EIF4G3: variants seen among roughly 807,000 people sequenced by gnomAD.
EIF4G3 encodes eukaryotic translation initiation factor 4 gamma 3, also known as eIF-4-gamma 3.
In EIF4G3, 34 loss-of-function variants were observed where a neutral mutation model predicts 186.4. That is an observed-to-expected ratio of 0.18 (90% CI 0.14 to 0.24). EIF4G3 has a LOEUF of 0.24. EIF4G3 is among the 10% of genes least tolerant of loss of function. The pLI is 1.00. For missense variants in EIF4G3, 1,536 were observed against 1,948.5 expected, an observed-to-expected ratio of 0.79 and a Z score of 3.99; for synonymous variants, 673 against 679.5, an observed-to-expected ratio of 0.99 and a Z score of 0.15.
chr1:21,088,267 A>G (rs182574046), intron 3 of EIF4G3, among the ~76,000 whole-genome samples: 8 of 151,812 alleles, frequency 5.3e-5, no homozygotes, highest in Admixed American at 5.3e-4. Context: ...CTAAAAGAAC[A>G]AAATTAGCAG....
intron 2 of EIF4G3, among the ~76,000 whole-genome samples, chr1:21,100,701 A>G (rs549095254): frequency 6.6e-6 from 1 of 152,266 alleles, no homozygotes; most frequent in East Asian, 1.9e-4. Context: ...GCTGCTCTCC[A>G]GGCAGATCCC....
chr1:20,941,808 G>C lies in EIF4G3; in HGVS notation c.1346C>G (p.Pro449Arg). Residue 449 changes from proline to arginine, a missense_variant, in exon 14 of 37, where the codon CCC (proline) becomes CGC (arginine). Physicochemically the swap from Pro to Arg is moderately radical, Grantham distance 103. This residue lies in a region of EIF4G3 where 560 missense variants were observed against 547.8 expected (regional missense o/e 1.02). Coordinates refer to ENST00000602326, the MANE Select transcript of EIF4G3 (RefSeq NM_001391906.1). ...LTLELEILEN[P>R]PEEMKLECIP... Reference sequence around the variant, plus strand: ...ACACTCCAGTTTCATTTCTTCTGGGGGATTTTCGAGAATCTCCAATTCAAG... The same window carrying C: ...ACACTCCAGTTTCATTTCTTCTGGGCGATTTTCGAGAATCTCCAATTCAAG... The C allele has an allele frequency of 6.2e-7, 1 of 1,613,660 alleles. No homozygotes were observed. Among genetic ancestry groups the C allele is most frequent in the Non-Finnish European group, 8.5e-7 (1 of 1,179,828 alleles).
Position 21,041,036 on chromosome 1 carries a change from C to T in EIF4G3, c.-67+9830G>A, listed in dbSNP as rs182550068. Among the ~76,000 whole-genome samples the T allele has an allele frequency of 5.3e-5, 8 of 152,096 alleles. No homozygotes were observed. The East Asian group carries it at 7.7e-4, about 15-fold the overall frequency. ...ACCCCTAGAGTCTCTATGAATTTGC[C>T]GTGATTCTGGGGGATGCCTGCACCA... On this transcript the variant is annotated intron_variant, in intron 4 of 36. Transcript: ENST00000602326.
At chr1:21,110,880 T>C (rs895133116) in intron 2 of EIF4G3, among the ~76,000 whole-genome samples, 1 of 152,228 alleles carries the variant, frequency 6.6e-6, no homozygotes, top group African/African-American at 2.4e-5. Flanking sequence ...GAGTAACTTT[T>C]TGAAAATACT....
intron 2 of EIF4G3, among the ~76,000 whole-genome samples, chr1:21,099,659 A>G (rs1401040655): frequency 6.6e-6 from 1 of 152,186 alleles, no homozygotes. Context: ...CAGGGCCTAG[A>G]GGTTGGGGGC....
chr1:20,831,449 T>C (rs531434529), intron 30 of EIF4G3, among the ~76,000 whole-genome samples: 35 of 151,804 alleles, frequency 2.3e-4, no homozygotes, highest in African/African-American at 5.6e-4. Flanking sequence ...GTGTTAGCAA[T>C]AGAATTTCCA....
intron 3 of EIF4G3, among the ~76,000 whole-genome samples, chr1:21,080,256 C>A (rs562648430): frequency 6.7e-6 from 1 of 150,276 alleles, no homozygotes; most frequent in East Asian, 2.0e-4. Context: ...TTTAAGGCTG[C>A]AGTGAGACAT....
chr1:21,067,131 C>CT (rs1392802757), intron 3 of EIF4G3, among the ~76,000 whole-genome samples: 46,016 of 122,654 alleles, frequency 0.38, 9,011 homozygotes, highest in Non-Finnish European at 0.43. Context: ...TTTTTCTTTT[C>CT]TTTTTTTTTT....
At chr1:20,950,168 A>C in intron 12 of EIF4G3, 57 bp from the exon 13 acceptor site, 1 of 1,326,166 alleles carries the variant, frequency 7.5e-7, no homozygotes, top group Admixed American at 2.7e-5. Context: ...AAAAACTAGC[A>C]ACATGGAACC....
chr1:20,964,128 T>C (rs1188661279), intron 12 of EIF4G3, among the ~76,000 whole-genome samples: 1 of 152,168 alleles, frequency 6.6e-6, no homozygotes, highest in African/African-American at 2.4e-5. Context: ...AGTTGAGAGA[T>C]TTGATACTGA....
rs747296169 is a variant in EIF4G3, at chr1:20,886,320, T to C, written c.2305A>G (p.Arg769Gly). Residue 769 changes from arginine (R) to glycine (G), a missense_variant, in exon 19 of 37, where the codon AGA (arginine) becomes GGA (glycine). Arg to Gly is a moderately radical substitution (Grantham distance 125). Transcript: ENST00000602326. Reference protein sequence around the residue: ...RSQPGQRREPRKIITVSVKED... With the variant: ...RSQPGQRREPGKIITVSVKED... ...TTTACAGAAACTGTGATGATCTTTC[T>C]GGGTTCTCTTCTTTGGCCAGGTTGA... is the stretch of plus-strand genomic sequence containing the variant. 12 of 1,614,150 alleles carry C rather than the reference T, an allele frequency of 7.4e-6. No individual in the cohort carries two copies. The highest frequency in any genetic ancestry group is 1.0e-5 in the Non-Finnish European group (12 of 1,180,008).
chr1:21,019,648 G>C (rs1337644896), intron 4 of EIF4G3, among the ~76,000 whole-genome samples: 1 of 152,184 alleles, frequency 6.6e-6, no homozygotes, highest in Non-Finnish European at 1.5e-5. Context: ...GCCATGGGAG[G>C]CCAAGGCAGA....
intron 2 of EIF4G3, among the ~76,000 whole-genome samples, chr1:21,121,300 A>G (rs564716916): frequency 6.6e-6 from 1 of 152,220 alleles, no homozygotes; most frequent in South Asian, 2.1e-4. Context: ...GTTATAATAA[A>G]TGTAAATACT....
At chr1:21,112,619 G>A (rs976486863) in intron 2 of EIF4G3, among the ~76,000 whole-genome samples, 1 of 151,874 alleles carries the variant, frequency 6.6e-6, no homozygotes, top group African/African-American at 2.4e-5. Context: ...TTTTTCTGAG[G>A]TATAAAAATT....
intron 19 of EIF4G3, among the ~76,000 whole-genome samples, chr1:20,881,269 C>A (rs749835061): frequency 6.6e-6 from 1 of 152,160 alleles, no homozygotes. Flanking sequence ...AACTGGACAT[C>A]CACAAGAAAG....
In EIF4G3 at chr1:20,872,145, C is replaced by T. The variant is rs186166691; in HGVS notation, c.2623-6883G>A. Among the ~76,000 whole-genome samples the T allele has an allele frequency of 3.5e-3, 528 of 152,160 alleles. 3 individuals carry two copies. The highest frequency in any genetic ancestry group is 5.7e-3 in the Non-Finnish European group (388 of 68,012). On this transcript the variant is annotated intron_variant, in intron 20 of 36. Coordinates refer to ENST00000602326, the MANE Select transcript of EIF4G3 (RefSeq NM_001391906.1). The stretch of plus-strand genomic sequence containing the variant: ...TGTGTGTATACACATATATTAGAGA[C>T]GGGGTCTTGCTCTGTCACCCAGGCT...
At chr1:21,044,005 A>G (rs1321328503) in intron 4 of EIF4G3, among the ~76,000 whole-genome samples, 2 of 152,206 alleles carry the variant, frequency 1.3e-5, no homozygotes, top group Non-Finnish European at 2.9e-5. Flanking sequence ...AAAATGACCA[A>G]AAGAGCTGAA....
intron 14 of EIF4G3, among the ~76,000 whole-genome samples, chr1:20,937,990 C>T (rs1450703972): frequency 6.7e-6 from 1 of 148,958 alleles, no homozygotes; most frequent in Non-Finnish European, 1.5e-5. Flanking sequence ...AATCCGAAAA[C>T]AACTGATGCT....
At chr1:21,000,733 G>A (rs1019176511) in intron 6 of EIF4G3, among the ~76,000 whole-genome samples, 2 of 152,162 alleles carry the variant, frequency 1.3e-5, no homozygotes, top group African/African-American at 4.8e-5. Flanking sequence ...TGTTATGTGT[G>A]TGATTTTTAG....
Sources: allele counts gnomAD v4.1 joint callset (sites outside exome capture counted in the v4.1 genomes callset), GRCh38; gene constraint gnomAD v4.1.1; regional missense constraint gnomAD v4.1.1; transcripts MANE v1.5; gene names NCBI Gene and HGNC (gene_info 2026-07-23, HGNC 2026-07-21).